The following ROBO1 variants were observed in gnomAD, a reference collection of about 807,000 sequenced individuals.
ROBO1 encodes roundabout homolog 1.
In ROBO1, 149 loss-of-function variants were observed where a neutral mutation model predicts 195.9. The observed-to-expected ratio is 0.76, with a 90% CI of 0.67 to 0.87. ROBO1 has a LOEUF of 0.87. ROBO1 is among the 40% of genes least tolerant of loss of function. The pLI is 0.00. For missense variants in ROBO1, 1,933 were observed against 2,068.3 expected, an observed-to-expected ratio of 0.93 and a Z score of 1.27; for synonymous variants, 816 against 733.2, an observed-to-expected ratio of 1.11 and a Z score of -1.82.
At chr3:79,484,557 C>G (rs1939047001) in intron 2 of ROBO1, among the ~76,000 whole-genome samples, 1 of 151,408 alleles carries the variant, frequency 6.6e-6, no homozygotes. Context: ...TAATAATTGG[C>G]TGAGATTTAG....
intron 4 of ROBO1, among the ~76,000 whole-genome samples, chr3:78,807,084 A>C (rs1356088359): frequency 6.6e-6 from 1 of 152,170 alleles, no homozygotes; most frequent in Non-Finnish European, 1.5e-5. Context: ...CTGGTATTAC[A>C]GGAGTGAGCC....
chr3:78,726,008 G>A (rs1356246480), intron 5 of ROBO1, among the ~76,000 whole-genome samples: 1 of 151,662 alleles, frequency 6.6e-6, no homozygotes, highest in Non-Finnish European at 1.5e-5. Flanking sequence ...GAACAGACTG[G>A]AGCTAATTAA....
chr3:78,938,827 A>G lies in ROBO1; in HGVS notation c.273T>C (p.Ala91=). Residue 91 remains alanine, a synonymous_variant, in exon 4 of 31, where the codon GCT becomes GCC. Coordinates refer to ENST00000464233, the MANE Select transcript of ROBO1 (RefSeq NM_002941.4). The part of the protein sequence containing the change: ...KGEPATLNCK[A]EGRPTPTIEW... Reference sequence around the variant, plus strand: ...CAATAGTGGGTGTGGGGCGGCCTTCAGCTTTGCAGTTCAAAGTTGCAGGTT... The same window carrying G: ...CAATAGTGGGTGTGGGGCGGCCTTCGGCTTTGCAGTTCAAAGTTGCAGGTT... 6.2e-7 allele frequency: 1 copy of G among 1,614,000 alleles called. No homozygotes were observed. Among genetic ancestry groups the G allele is most frequent in the Non-Finnish European group, 8.5e-7 (1 of 1,179,900 alleles).
chr3:78,836,942 A>T (rs2032793068), intron 4 of ROBO1, among the ~76,000 whole-genome samples: 1 of 152,200 alleles, frequency 6.6e-6, no homozygotes. Flanking sequence ...TCATTATCAC[A>T]TCCATACAAC....
rs146832928 is a variant in ROBO1, at chr3:78,606,789, C to T, written c.4688G>A (p.Arg1563His). The T allele has an allele frequency of 2.6e-4, 416 of 1,613,912 alleles. 2 individuals carry two copies. In the East Asian group the frequency reaches 6.2e-3, roughly 24 times the overall value. The change falls in exon 29 of 31, where the codon CGT becomes CAT. Residue 1563 changes from arginine to histidine, a missense_variant. Physicochemically the swap from Arg to His is conservative, Grantham distance 29. Coordinates refer to ENST00000464233, the MANE Select transcript of ROBO1 (RefSeq NM_002941.4). ...GTCTCGTTTTGCTGCCTTGTTTCCA[C>T]GTCCTTTCCCGTCATTTTGCTGTTC... is the stretch of plus-strand genomic sequence containing the variant. Reference protein sequence around the residue: ...AQEQQNDGKGRGNKAAKRDLP... With the variant: ...AQEQQNDGKGHGNKAAKRDLP...
intron 3 of ROBO1, among the ~76,000 whole-genome samples, chr3:79,108,120 T>G (rs1012315688): frequency 9.9e-5 from 15 of 151,840 alleles, no homozygotes; most frequent in African/African-American, 3.4e-4. Context: ...CAAAATAAAT[T>G]TAAGTGAATA....
rs567096284 is a variant in ROBO1, at chr3:79,411,964, C to T, written c.88+177860G>A. ...ACCTTGACCCAGCTTTCGTTCTGTC[C>T]GAGACACCCACAGGAGAAGTTATCT... is the stretch of plus-strand genomic sequence containing the variant. On this transcript the variant is annotated intron_variant, in intron 2 of 30. Coordinates refer to ENST00000464233, the MANE Select transcript of ROBO1 (RefSeq NM_002941.4). Among the ~76,000 whole-genome samples the T allele has an allele frequency of 5.3e-5, 8 of 152,056 alleles. 1 individual carries two copies. Among genetic ancestry groups the T allele is most frequent in the Middle Eastern group, 6.8e-3 (2 of 294 alleles).
At chr3:78,993,421 G>A (rs894856202) in intron 3 of ROBO1, among the ~76,000 whole-genome samples, 11 of 151,998 alleles carry the variant, frequency 7.2e-5, no homozygotes, top group Admixed American at 7.2e-4. Flanking sequence ...GTCAAATTTA[G>A]GCAGGAATAC....
chr3:79,012,180 T>C (rs2077797258), intron 3 of ROBO1, among the ~76,000 whole-genome samples: 1 of 152,222 alleles, frequency 6.6e-6, no homozygotes, highest in Admixed American at 6.5e-5. Context: ...ACTGAAAGAC[T>C]AACATGATTT....
intron 2 of ROBO1, among the ~76,000 whole-genome samples, chr3:79,369,575 C>A (rs1198111697): frequency 6.6e-6 from 1 of 152,140 alleles, no homozygotes; most frequent in Non-Finnish European, 1.5e-5. Context: ...GGTAAGAGAG[C>A]AAACTTCTCA....
intron 2 of ROBO1, among the ~76,000 whole-genome samples, chr3:79,382,219 C>T (rs1039657847): frequency 2.0e-5 from 3 of 152,116 alleles, no homozygotes; most frequent in African/African-American, 7.2e-5. Context: ...TGAATTAAAA[C>T]TCTCAAAAAT....
intron 1 of ROBO1, among the ~76,000 whole-genome samples, chr3:79,625,438 A>AAAAAAAAAAAAC: frequency 6.9e-6 from 1 of 145,314 alleles, no homozygotes; most frequent in Non-Finnish European, 1.5e-5. Context: ...AAAAAAAAAA[A>AAAAAAAAAAAAC]AAAAAAGCAA....
chr3:78,715,999 C>A (rs1356473839), intron 7 of ROBO1, among the ~76,000 whole-genome samples: 1 of 152,206 alleles, frequency 6.6e-6, no homozygotes, highest in African/African-American at 2.4e-5. Context: ...CCTAGCCATG[C>A]TAAACTTTAT....
At chr3:79,601,246 T>C (rs975747997) in intron 1 of ROBO1, among the ~76,000 whole-genome samples, 2 of 151,996 alleles carry the variant, frequency 1.3e-5, no homozygotes, top group Admixed American at 6.6e-5. Flanking sequence ...AGAATCTTTA[T>C]GTCTGAAAAA....
intron 2 of ROBO1, among the ~76,000 whole-genome samples, chr3:79,135,625 C>A (rs936950153): frequency 6.6e-6 from 1 of 151,476 alleles, no homozygotes; most frequent in Non-Finnish European, 1.5e-5. Context: ...ATAACATTAG[C>A]AATCATTCAA....
intron 3 of ROBO1, among the ~76,000 whole-genome samples, chr3:78,944,387 T>C (rs1214945023): frequency 6.6e-6 from 1 of 152,212 alleles, no homozygotes; most frequent in Non-Finnish European, 1.5e-5. Context: ...CTCTCTGCCA[T>C]GTGAGGACAC....
At chr3:79,244,758 C>T (rs1359224807) in intron 2 of ROBO1, among the ~76,000 whole-genome samples, 2 of 151,902 alleles carry the variant, frequency 1.3e-5, no homozygotes, top group African/African-American at 4.8e-5. Flanking sequence ...TTACTGTATT[C>T]TGTATTTGAA....
chr3:78,875,045 T>C lies in ROBO1; in HGVS notation c.499+63556A>G, dbSNP rs113909237. 8.7e-3 allele frequency among the ~76,000 whole-genome samples: 1,318 copies of C among 152,068 alleles called. 24 individuals are homozygous for C. Among genetic ancestry groups the C allele is most frequent in the African/African-American group, 0.028 (1,142 of 41,518 alleles). On this transcript the variant is annotated intron_variant, in intron 4 of 30. Transcript: ENST00000464233. ...ATAGATGAGGTGTGTAGAACTGTAC[T>C]GCAATGTTAAACCAAACTATCATAA...
Position 79,460,504 on chromosome 3 carries a change from C to G in ROBO1, c.88+129320G>C, listed in dbSNP as rs185457191. Among the ~76,000 whole-genome samples, 458 of 152,182 alleles carry G rather than the reference C, an allele frequency of 3.0e-3. 2 individuals carry two copies. Among genetic ancestry groups the G allele is most frequent in the African/African-American group, 9.7e-3 (401 of 41,538 alleles). On this transcript the variant is annotated intron_variant, in intron 2 of 30. Transcript: ENST00000464233. The stretch of plus-strand genomic sequence containing the variant: ...GCCACAGTGAGGAATAAACCAGATG[C>G]CTTTCTATTAAAATTTAATGATCCT...
Sources: allele counts gnomAD v4.1 joint callset (sites outside exome capture counted in the v4.1 genomes callset), GRCh38; gene constraint gnomAD v4.1.1; transcripts MANE v1.5; gene names NCBI Gene and HGNC (gene_info 2026-07-23, HGNC 2026-07-21).